CUEDC1: variants seen among roughly 807,000 people sequenced by gnomAD.
CUEDC1 encodes CUE domain-containing protein 1.
A neutral mutation model predicts 43.7 loss-of-function variants in CUEDC1; 30 were observed. The ratio of observed to expected loss-of-function variants is 0.69; its 90% CI spans 0.51 to 0.93. The LOEUF is 0.93. CUEDC1 is among the 40% of genes least tolerant of loss of function. The pLI, the probability that CUEDC1 is intolerant of heterozygous loss-of-function variation, is 0.00. For synonymous variants in CUEDC1, 223 were observed against 223.6 expected (o/e 1.00, Z 0.02); for missense variants, 486 against 549.0 (o/e 0.89, Z 1.15).
chr17:57,890,708 T>C (rs1287979495), intron 1 of CUEDC1, among the ~76,000 whole-genome samples: 1 of 152,106 alleles, frequency 6.6e-6, no homozygotes, highest in African/African-American at 2.4e-5. Context: ...CCTGAGTCAC[T>C]CCCGGCTTGG....
chr17:57,893,507 A>C (rs1217091461), intron 1 of CUEDC1, among the ~76,000 whole-genome samples: 1 of 152,342 alleles, frequency 6.6e-6, no homozygotes, highest in East Asian at 1.9e-4. Flanking sequence ...CTCCTGCCCA[A>C]GGCTCGGAAA....
At chr17:57,926,538 A>G (rs1326308056) in intron 1 of CUEDC1, among the ~76,000 whole-genome samples, 1 of 152,152 alleles carries the variant, frequency 6.6e-6, no homozygotes, top group African/African-American at 2.4e-5. Flanking sequence ...CACCTGTGTA[A>G]TGCCAGCAAT....
chr17:57,878,953 C>T (rs187219188), intron 3 of CUEDC1, among the ~76,000 whole-genome samples: 145 of 152,292 alleles, frequency 9.5e-4, no homozygotes, highest in African/African-American at 3.3e-3. Flanking sequence ...AGATGTGAGC[C>T]ACTGTGCCCA....
intron 1 of CUEDC1, among the ~76,000 whole-genome samples, chr17:57,887,702 G>T (rs1411407243): frequency 9.1e-6 from 1 of 110,056 alleles, no homozygotes. Flanking sequence ...ATGGGGTTTT[G>T]CCATGTTGGT....
chr17:57,896,537 G>A (rs887140365), intron 1 of CUEDC1, among the ~76,000 whole-genome samples: 8 of 144,400 alleles, frequency 5.5e-5, no homozygotes, highest in African/African-American at 1.8e-4. Flanking sequence ...TATGAAATCC[G>A]AAAGGATTCA....
chr17:57,873,702 G>T lies in CUEDC1; in HGVS notation c.480C>A (p.Gly160=), dbSNP rs763451865. The part of the protein sequence containing the change: ...PTPPPRIDAL[G]SGAPTSQRRY... The stretch of plus-strand genomic sequence containing the variant: ...GTCTCTGGCTTGTAGGGGCTCCAGA[G>T]CCCAGCGCGTCGATACTAGGGGATG... The change falls in exon 4 of 11, where the codon GGC becomes GGA. Residue 160 remains glycine (G), a synonymous_variant. Coordinates refer to ENST00000577830, the MANE Select transcript of CUEDC1 (RefSeq NM_001271875.2). The T allele has an allele frequency of 1.9e-6, 3 of 1,588,528 alleles. No individual in the cohort carries two copies. Among genetic ancestry groups the T allele is most frequent in the Non-Finnish European group, 2.6e-6 (3 of 1,166,848 alleles).
At position 57,872,258 on chromosome 17, in the gene CUEDC1, G is replaced by A. The variant is rs1218915796; in HGVS notation, c.784+405C>T. Reference sequence around the variant, plus strand: ...AGTCTTCCACTCAAGAGCCTCCCCCGCCCTGGCCTTCATGAACCCAGTCGT... The same window carrying A: ...AGTCTTCCACTCAAGAGCCTCCCCCACCCTGGCCTTCATGAACCCAGTCGT... On this transcript the variant is annotated intron_variant, in intron 5 of 10. Transcript: ENST00000577830. 2.6e-5 allele frequency among the ~76,000 whole-genome samples: 4 copies of A among 152,184 alleles called. No individual in the cohort carries two copies. The South Asian group carries it at 6.2e-4, about 24-fold the overall frequency.
chr17:57,909,607 TCACACC>T (rs1247265400), intron 1 of CUEDC1, among the ~76,000 whole-genome samples: 1 of 152,220 alleles, frequency 6.6e-6, no homozygotes, highest in Non-Finnish European at 1.5e-5. Context: ...CTGTGAAACT[TCACACC>T]CAGGCAGAGA....
intron 1 of CUEDC1, among the ~76,000 whole-genome samples, chr17:57,951,036 C>T: frequency 6.6e-6 from 1 of 151,954 alleles, no homozygotes; most frequent in Non-Finnish European, 1.5e-5. Context: ...TCACCCATGA[C>T]ATTTCAGTCT....
intron 1 of CUEDC1, among the ~76,000 whole-genome samples, chr17:57,935,382 CACACACACACACACACACACACAA>C (rs1395825296): frequency 1.4e-5 from 2 of 138,450 alleles, no homozygotes; most frequent in African/African-American, 5.8e-5. Context: ...CCATTAGACA[CACACACACACACACACACACACAA>C]ACACACACAC....
At chr17:57,864,674 A>G (rs1438477864) in intron 10 of CUEDC1, among the ~76,000 whole-genome samples, 1 of 151,988 alleles carries the variant, frequency 6.6e-6, no homozygotes, top group Non-Finnish European at 1.5e-5. Context: ...AGACTCAAGG[A>G]CCCTTGGTGT....
chr17:57,911,565 C>T (rs1342903061), intron 1 of CUEDC1, among the ~76,000 whole-genome samples: 2 of 152,138 alleles, frequency 1.3e-5, no homozygotes, highest in African/African-American at 2.4e-5. Context: ...TGCAGTGGTG[C>T]AATCTCAGCT....
intron 7 of CUEDC1, 126 bp from the exon 8 acceptor site, chr17:57,868,369 G>A (rs1012898619): frequency 2.5e-6 from 2 of 791,390 alleles, no homozygotes; most frequent in Non-Finnish European, 2.2e-6. Flanking sequence ...GGCAGGCAAG[G>A]GTGGGAGCTG....
chr17:57,939,800 G>T (rs1260299772), intron 1 of CUEDC1, among the ~76,000 whole-genome samples: 1 of 152,142 alleles, frequency 6.6e-6, no homozygotes, highest in Non-Finnish European at 1.5e-5. Context: ...GTAACTAAGG[G>T]TTACTGGAAA....
At chr17:57,932,198 C>T (rs1389318989) in intron 1 of CUEDC1, among the ~76,000 whole-genome samples, 1 of 151,264 alleles carries the variant, frequency 6.6e-6, no homozygotes, top group Non-Finnish European at 1.5e-5. Flanking sequence ...ACAAGAATCT[C>T]TTGAACCCGG....
chr17:57,872,580 CAGTG>C, intron 5 of CUEDC1, 79 bp downstream of exon 5: 1 of 1,484,466 alleles, frequency 6.7e-7, no homozygotes, highest in Admixed American at 1.9e-5. Context: ...GCCCCCAGCT[CAGTG>C]TTTTCCTGAG....
At chr17:57,914,651 T>G (rs1319704626) in intron 1 of CUEDC1, among the ~76,000 whole-genome samples, 1 of 152,104 alleles carries the variant, frequency 6.6e-6, no homozygotes, top group African/African-American at 2.4e-5. Flanking sequence ...TGAAAGGGCT[T>G]TTCTTTCCCA....
intron 1 of CUEDC1, among the ~76,000 whole-genome samples, chr17:57,887,500 A>ATT (rs35030086): frequency 1.3e-3 from 184 of 143,370 alleles, no homozygotes; most frequent in South Asian, 1.6e-3. Context: ...TGATACAGAA[A>ATT]TTTTTTTTTT....
chr17:57,954,932 G>T lies in CUEDC1; in HGVS notation c.-316+293C>A, dbSNP rs547242515. 6.4e-3 allele frequency among the ~76,000 whole-genome samples: 975 copies of T among 151,748 alleles called. 10 individuals carry two copies. Among genetic ancestry groups the T allele is most frequent in the African/African-American group, 0.022 (921 of 41,478 alleles). On this transcript the variant is annotated intron_variant, in intron 1 of 10. Coordinates refer to ENST00000577830, the MANE Select transcript of CUEDC1 (RefSeq NM_001271875.2). This position sits in a 1 kb window ranked among gnomAD's most constrained non-coding sequence, Gnocchi z 4.3. ...GCCCCCCGGTCTAATCGCGCGCCCC[G>T]CTCCCGGCCCCCCAGATGCCCGCAC...
Sources: allele counts gnomAD v4.1 joint callset (sites outside exome capture counted in the v4.1 genomes callset), GRCh38; gene constraint gnomAD v4.1.1; non-coding constraint Gnocchi (gnomAD v3.1); transcripts MANE v1.5; gene names NCBI Gene and HGNC (gene_info 2026-07-23, HGNC 2026-07-21).